ERCC6: variants seen among roughly 807,000 people sequenced by gnomAD.
The protein encoded by ERCC6 is DNA excision repair protein ERCC-6.
ERCC6 carries 116 observed loss-of-function variants against 158.7 expected under a neutral mutation model. The ratio of observed to expected loss-of-function variants is 0.73; its 90% CI spans 0.63 to 0.85. The LOEUF (loss-of-function observed/expected upper bound fraction) is 0.85. ERCC6 is among the 40% of genes least tolerant of loss of function. The pLI is 0.00. For synonymous variants in ERCC6, 678 were observed against 659.3 expected (o/e 1.03, Z -0.43); for missense variants, 1,698 against 1,799.4 (o/e 0.94, Z 1.02).
At chr10:49,469,944 C>T (rs1024378157) in intron 18 of ERCC6, among the ~76,000 whole-genome samples, 17 of 152,206 alleles carry the variant, frequency 1.1e-4, no homozygotes, top group African/African-American at 4.1e-4. Context: ...TGCACACCTC[C>T]CATGAGTGGC....
intron 5 of ERCC6, among the ~76,000 whole-genome samples, chr10:49,522,959 T>C (rs930466490): frequency 5.9e-5 from 9 of 152,186 alleles, no homozygotes; most frequent in African/African-American, 2.2e-4. Flanking sequence ...AAATTACTGT[T>C]TAAAAGAATT....
upstream of ERCC6, among the ~76,000 whole-genome samples, chr10:49,539,271 T>C (rs1837682645): frequency 6.6e-6 from 1 of 152,260 alleles, no homozygotes; most frequent in Non-Finnish European, 1.5e-5. Flanking sequence ...CGAAGGACGC[T>C]TCGCCCCTAG....
intron 20 of ERCC6, chr10:49,459,928 C>A: frequency 4.4e-6 from 1 of 227,688 alleles, no homozygotes; most frequent in Non-Finnish European, 8.7e-6. Context: ...TAGTTTTAAC[C>A]ACAGTAGCAC....
At chr10:49,471,147 T>A (rs750751680) in intron 16 of ERCC6, 27 bp from the exon 17 acceptor site, 1 of 1,610,732 alleles carries the variant, frequency 6.2e-7, no homozygotes. Flanking sequence ...TAAGCTGGTA[T>A]AAAACAATGT....
chr10:49,498,488 A>G (rs1259623382), intron 7 of ERCC6, among the ~76,000 whole-genome samples: 1 of 152,192 alleles, frequency 6.6e-6, no homozygotes, highest in Non-Finnish European at 1.5e-5. Context: ...CCGCCCTGGT[A>G]CATATGAGCG....
the ERCC6 span, among the ~76,000 whole-genome samples, chr10:49,441,596 T>TAAC: frequency 0.88 from 134,307 of 151,912 alleles, 59,609 homozygotes; most frequent in East Asian, 1. Flanking sequence ...TCTGATTTCT[T>TAAC]AACAAAGCGT....
chr10:49,513,302 G>C (rs1017170391), intron 5 of ERCC6, among the ~76,000 whole-genome samples: 1 of 152,082 alleles, frequency 6.6e-6, no homozygotes, highest in African/African-American at 2.4e-5. Flanking sequence ...GCTAGCTCTG[G>C]ACAAGTTTTG....
At chr10:49,436,762 C>T in the ERCC6 span, among the ~76,000 whole-genome samples, 27 of 152,186 alleles carry the variant, frequency 1.8e-4, no homozygotes, top group African/African-American at 6.5e-4. Flanking sequence ...TCATGTGTAC[C>T]GGGAGGCATA....
intron 5 of ERCC6, chr10:49,516,214 C>T: frequency 6.2e-7 from 1 of 1,614,148 alleles, no homozygotes; most frequent in Admixed American, 1.7e-5. Flanking sequence ...AGACAGGTGG[C>T]ACCACACCAA....
At chr10:49,510,883 A>G (rs1302670603) in intron 5 of ERCC6, among the ~76,000 whole-genome samples, 3 of 152,116 alleles carry the variant, frequency 2.0e-5, no homozygotes, top group Non-Finnish European at 2.9e-5. Flanking sequence ...CCTTCTACCC[A>G]TATGACTTTA....
At chr10:49,449,934 A>T (rs906745127), downstream of ERCC6, among the ~76,000 whole-genome samples, 4 of 151,968 alleles carry the variant, frequency 2.6e-5, no homozygotes, top group Non-Finnish European at 5.9e-5. Flanking sequence ...GTACAGTGGC[A>T]TGCTCATGGA....
chr10:49,536,261 G>C (rs967555811), intron 1 of ERCC6, among the ~76,000 whole-genome samples: 1 of 152,194 alleles, frequency 6.6e-6, no homozygotes, highest in Non-Finnish European at 1.5e-5. Flanking sequence ...CTCTGGCAGG[G>C]AGACAGCTAC....
At chr10:49,483,549 T>A (rs1267206913) in intron 8 of ERCC6, 33 bp from the exon 9 acceptor site, 2 of 1,607,698 alleles carry the variant, frequency 1.2e-6, no homozygotes, top group South Asian at 2.2e-5. Context: ...AAGTCAGTTT[T>A]AAATAAGAAG....
intron 16 of ERCC6, among the ~76,000 whole-genome samples, chr10:49,471,793 T>C (rs1415203664): frequency 6.6e-6 from 1 of 152,226 alleles, no homozygotes. Flanking sequence ...CAGAGCTTCC[T>C]ATAAAAGCTG....
the ERCC6 span, among the ~76,000 whole-genome samples, chr10:49,438,464 C>T: frequency 1.3e-5 from 2 of 152,086 alleles, no homozygotes; most frequent in Non-Finnish European, 2.9e-5. Flanking sequence ...ATGGGAAAGA[C>T]CAGCCCCCAT....
intron 5 of ERCC6, among the ~76,000 whole-genome samples, chr10:49,518,945 A>G (rs998286700): frequency 6.6e-6 from 1 of 152,232 alleles, no homozygotes; most frequent in Non-Finnish European, 1.5e-5. Flanking sequence ...AAAAACCTTT[A>G]GGATCAAAAA....
At position 49,476,209 on chromosome 10, in the gene ERCC6, G is replaced by A. The variant is rs776186015; in HGVS notation, c.2382+6C>T. On this transcript the variant is annotated splice_donor_region_variant and intron_variant, in intron 12 of 20. Transcript: ENST00000355832. ...TCATTTCTCCAGCTTCTATTTTTTA[G>A]CTGACCTGCATCTCTCCATTGAGAA... 3 of 1,599,586 alleles carry A rather than the reference G, an allele frequency of 1.9e-6. No homozygotes were observed. Among genetic ancestry groups the A allele is most frequent in the Non-Finnish European group, 2.6e-6 (3 of 1,166,998 alleles).
chr10:49,489,957 TG>T (rs1266780730), intron 8 of ERCC6, among the ~76,000 whole-genome samples: 1 of 152,226 alleles, frequency 6.6e-6, no homozygotes, highest in Non-Finnish European at 1.5e-5. Context: ...TGAAATGCAG[TG>T]TTTATTGTTG....
At chr10:49,477,142 CA>C (rs1850893394) in intron 11 of ERCC6, among the ~76,000 whole-genome samples, 1 of 152,116 alleles carries the variant, frequency 6.6e-6, no homozygotes, top group Non-Finnish European at 1.5e-5. Context: ...AAGCCACCCG[CA>C]ACTCTGTCTC....
Sources: allele counts gnomAD v4.1 joint callset (sites outside exome capture counted in the v4.1 genomes callset), GRCh38; gene constraint gnomAD v4.1.1; transcripts MANE v1.5; gene names NCBI Gene and HGNC (gene_info 2026-07-23, HGNC 2026-07-21).